Variants in CASC3 observed in about 807,000 individuals in gnomAD.
CASC3 encodes CASC3 exon junction complex subunit.
In CASC3, 30 loss-of-function variants were observed where a neutral mutation model predicts 80.5. That is an observed-to-expected ratio of 0.37 (90% CI 0.28 to 0.51). The LOEUF is 0.51. CASC3 is among the 20% of genes least tolerant of loss of function. The pLI is 0.94. For synonymous variants in CASC3, 312 were observed against 333.6 expected, an observed-to-expected ratio of 0.94 and a Z score of 0.70; for missense variants, 824 against 922.2, an observed-to-expected ratio of 0.89 and a Z score of 1.38.
At chr17:40,168,020 C>A in intron 10 of CASC3, 72 bp downstream of exon 10, 1 of 1,466,974 alleles carries the variant, frequency 6.8e-7, no homozygotes, top group Non-Finnish European at 9.5e-7. Context: ...CAAAACCCAT[C>A]CTCCTGAGCT....
chr17:40,162,285 G>A, intron 5 of CASC3, 132 bp downstream of exon 5: 1 of 987,658 alleles, frequency 1.0e-6, no homozygotes, highest in Non-Finnish European at 1.5e-6. Context: ...TCGTACAAAT[G>A]AGGAAAGTAG....
At chr17:40,165,022 G>A (rs866226900) in intron 7 of CASC3, among the ~76,000 whole-genome samples, 2 of 149,376 alleles carry the variant, frequency 1.3e-5, no homozygotes, top group African/African-American at 2.5e-5. Flanking sequence ...CTGGGTTCAC[G>A]CCATTCTCCT....
Position 40,169,027 on chromosome 17 carries a change from C to T in CASC3, c.1966-297C>T, listed in dbSNP as rs891511688. 2.0e-5 allele frequency: 6 copies of T among 299,318 alleles called. No individual in the cohort carries two copies. In the South Asian group the frequency reaches 3.0e-4, roughly 15 times the overall value. The allele number at this position is 299,318 out of a possible 1,614,324, so 18.5% of individuals were successfully genotyped here. A position where few individuals can be genotyped will look rare whatever the true frequency, so the allele number is the denominator to read the frequency against. On this transcript the variant is annotated intron_variant, in intron 11 of 13. Coordinates refer to ENST00000264645, the MANE Select transcript of CASC3 (RefSeq NM_007359.5). Reference sequence around the variant, plus strand: ...CCTCTGTCCTGCTTAACTTCCACCACGTTGACATAATCAAGTATCTGTAGT... The same window carrying T: ...CCTCTGTCCTGCTTAACTTCCACCATGTTGACATAATCAAGTATCTGTAGT...
Position 40,169,624 on chromosome 17 carries a change from C to T in CASC3, c.*3C>T, listed in dbSNP as rs369712808. ...TTGTAAGCAGGGGTTCCAGTTAATA[C>T]AAGTTTCTGAATATTTTAAATCTTA... On this transcript the variant is annotated 3_prime_UTR_variant, in exon 13 of 14. Transcript: ENST00000264645. 15 of 1,583,772 alleles carry T rather than the reference C, an allele frequency of 9.5e-6. No homozygotes were observed. The highest frequency in any genetic ancestry group is 7.3e-5 in the Admixed American group (4 of 54,870).
At chr17:40,162,225 T>G in intron 5 of CASC3, 72 bp downstream of exon 5, 6 of 1,432,122 alleles carry the variant, frequency 4.2e-6, no homozygotes, top group Non-Finnish European at 5.7e-6. Context: ...TCGATTTGCC[T>G]GTATTTCATT....
chr17:40,148,535 A>G (rs1267452799), intron 3 of CASC3, among the ~76,000 whole-genome samples: 1 of 151,782 alleles, frequency 6.6e-6, no homozygotes, highest in Non-Finnish European at 1.5e-5. Flanking sequence ...TAATTTTTGT[A>G]TTTTTAGTAG....
chr17:40,141,593 G>T lies in CASC3; in HGVS notation c.283G>T (p.Ala95Ser), dbSNP rs1428562599. ...AGCTGTTCTCTCGGATTATGAAAGT[G>T]CAGAAGACTCGGAAGTGAGTATGAC... The part of the protein sequence containing the change: ...GDAVLSDYES[A>S]EDSEGEEGEY... The change falls in exon 3 of 14, where the codon GCA becomes TCA. Residue 95 changes from alanine to serine, a missense_variant. Ala to Ser is a moderately conservative substitution (Grantham distance 99). Transcript: ENST00000264645. The T allele has an allele frequency of 1.9e-6, 3 of 1,613,706 alleles. No homozygotes were observed. The highest frequency in any genetic ancestry group is 3.3e-5 in the Admixed American group (2 of 59,996).
chr17:40,141,898 A>T (rs996369039), intron 3 of CASC3, among the ~76,000 whole-genome samples: 1 of 152,232 alleles, frequency 6.6e-6, no homozygotes, highest in Non-Finnish European at 1.5e-5. Context: ...CCTCTGAAAG[A>T]TGTTTGACAG....
At chr17:40,146,562 A>G (rs112728688) in intron 3 of CASC3, among the ~76,000 whole-genome samples, 9,769 of 150,204 alleles carry the variant, frequency 0.065, 698 homozygotes, top group African/African-American at 0.17. Context: ...TCAGCCTCCC[A>G]AGTAGCTGGG....
intron 3 of CASC3, among the ~76,000 whole-genome samples, chr17:40,157,329 C>T (rs1311400995): frequency 6.7e-6 from 1 of 149,980 alleles, no homozygotes; most frequent in East Asian, 1.9e-4. Context: ...TGGACAACAG[C>T]GAGACTCCGT....
chr17:40,164,327 G>A (rs113584807), intron 7 of CASC3, among the ~76,000 whole-genome samples, 161 bp downstream of exon 7: 3 of 151,972 alleles, frequency 2.0e-5, no homozygotes, highest in Admixed American at 6.6e-5. Flanking sequence ...GCAGTGGCGC[G>A]ATTTTGGCTC....
intron 2 of CASC3, 32 bp from the exon 3 acceptor site, chr17:40,141,538 C>T (rs772379310): frequency 1.9e-6 from 3 of 1,606,166 alleles, no homozygotes; most frequent in Admixed American, 1.7e-5. Flanking sequence ...TTCTGGGTTT[C>T]TTTTTTTCCA....
intron 12 of CASC3, 22 bp from the exon 13 acceptor site, chr17:40,169,576 A>G (rs553374554): frequency 4.4e-6 from 7 of 1,593,452 alleles, no homozygotes; most frequent in African/African-American, 4.1e-5. Flanking sequence ...CCTGATAACA[A>G]ATTCCAACTT....
At position 40,158,504 on chromosome 17, in the gene CASC3, A is replaced by G. The variant is rs573958768; in HGVS notation, c.298-3249A>G. 4.6e-5 allele frequency among the ~76,000 whole-genome samples: 7 copies of G among 152,284 alleles called. No individual in the cohort carries two copies. The East Asian group carries it at 1.4e-3, about 29-fold the overall frequency. On this transcript the variant is annotated intron_variant, in intron 3 of 13. Transcript: ENST00000264645. ...CCTTAGGTCCAAATCTGGGGAGGAC[A>G]AGGAGAGGAGAGTAACCCTATTCTA...
intron 3 of CASC3, among the ~76,000 whole-genome samples, chr17:40,157,367 A>AAATT (rs549448416): frequency 0.011 from 1,684 of 147,810 alleles, 59 homozygotes; most frequent in Middle Eastern, 0.01. Context: ...ATAAATAAAT[A>AAATT]AATTAATTAA....
chr17:40,171,076 C>T lies in CASC3; in HGVS notation c.*671C>T. The T allele has an allele frequency of 2.0e-6, 2 of 985,724 alleles. No homozygotes were observed. Among genetic ancestry groups the T allele is most frequent in the South Asian group, 4.7e-5 (1 of 21,288 alleles). The allele number at this position is 985,724 out of a possible 1,614,324, so 61.1% of individuals were successfully genotyped here. A position where few individuals can be genotyped will look rare whatever the true frequency, so the allele number is the denominator to read the frequency against. On this transcript the variant is annotated 3_prime_UTR_variant, in exon 14 of 14. Transcript: ENST00000264645. ...TCCCTTAACTCTAACCCTGTGGAAG[C>T]ATGGCTGTCTGCACAGAGGGTCCCA...
At chr17:40,153,016 C>A (rs543291365) in intron 3 of CASC3, among the ~76,000 whole-genome samples, 1 of 151,890 alleles carries the variant, frequency 6.6e-6, no homozygotes, top group East Asian at 2.0e-4. Flanking sequence ...ACCTCATGAT[C>A]TGCCCACCTC....
intron 3 of CASC3, among the ~76,000 whole-genome samples, chr17:40,158,038 A>G (rs1055200402): frequency 3.3e-5 from 5 of 152,196 alleles, no homozygotes; most frequent in Non-Finnish European, 5.9e-5. Flanking sequence ...AGAGGCAGGC[A>G]TACTTGCTGC....
In CASC3 at chr17:40,161,726, C is replaced by T. The variant is rs775998787; in HGVS notation, c.298-27C>T. On this transcript the variant is annotated intron_variant, in intron 3 of 13. Coordinates refer to ENST00000264645, the MANE Select transcript of CASC3 (RefSeq NM_007359.5). ...AAATGCACCGTTCAGATCTTATATG[C>T]ATCGCTGACAGGGAAACTTTTTTCA... is the stretch of plus-strand genomic sequence containing the variant. The T allele has an allele frequency of 3.7e-6, 6 of 1,606,878 alleles. No individual in the cohort carries two copies. The South Asian group carries it at 6.6e-5, about 18-fold the overall frequency.
Sources: gnomAD v4.1 joint callset for allele counts (sites outside exome capture counted in the v4.1 genomes callset) on GRCh38, gnomAD v4.1.1 for gene constraint, MANE v1.5 for transcripts, NCBI Gene and HGNC (gene_info 2026-07-23, HGNC 2026-07-21) for gene names.